CDKAL1: variants seen among roughly 807,000 people sequenced by gnomAD.
CDKAL1 encodes the protein threonylcarbamoyladenosine tRNA methylthiotransferase.
A neutral mutation model predicts 68.2 loss-of-function variants in CDKAL1; 32 were observed. The observed-to-expected ratio is 0.47, with a 90% CI of 0.35 to 0.63. The LOEUF (loss-of-function observed/expected upper bound fraction) is 0.63, where lower values mean the gene tolerates loss of function less well. CDKAL1 is among the 30% of genes least tolerant of loss of function. The pLI is 0.00. For missense variants in CDKAL1, 606 were observed against 696.7 expected, an observed-to-expected ratio of 0.87 and a Z score of 1.47; for synonymous variants, 234 against 244.3, an observed-to-expected ratio of 0.96 and a Z score of 0.39.
At chr6:21,121,467 C>T (rs1244878302) in intron 13 of CDKAL1, among the ~76,000 whole-genome samples, 1 of 152,152 alleles carries the variant, frequency 6.6e-6, no homozygotes, top group African/African-American at 2.4e-5. Context: ...ATGCCCATTA[C>T]AATGGTGTCT....
At chr6:21,171,493 G>A (rs946998984) in intron 13 of CDKAL1, among the ~76,000 whole-genome samples, 1 of 152,136 alleles carries the variant, frequency 6.6e-6, no homozygotes. Context: ...ATTACAGGCT[G>A]AGCCACCCTG....
intron 13 of CDKAL1, among the ~76,000 whole-genome samples, chr6:21,192,249 C>G (rs1013777062): frequency 6.6e-6 from 1 of 150,578 alleles, no homozygotes; most frequent in African/African-American, 2.4e-5. Context: ...TCTCGATCTC[C>G]TGACCTCATG....
In CDKAL1 at chr6:20,686,939, C is replaced by G. The variant is rs1015159446; in HGVS notation, c.371+37562C>G. Among the ~76,000 whole-genome samples, 4 of 152,078 alleles carry G rather than the reference C, an allele frequency of 2.6e-5. No homozygotes were observed. The East Asian group carries it at 5.8e-4, about 22-fold the overall frequency. Reference sequence around the variant, plus strand: ...TGTCTGTCAATAGATGCAGAAAAATCTATTGCTATGATTATGTGATTTTTC... The same window carrying G: ...TGTCTGTCAATAGATGCAGAAAAATGTATTGCTATGATTATGTGATTTTTC... On this transcript the variant is annotated intron_variant, in intron 5 of 15. Transcript: ENST00000274695.
chr6:21,063,591 GAAA>G (rs1771260621), intron 11 of CDKAL1, among the ~76,000 whole-genome samples: 1 of 152,052 alleles, frequency 6.6e-6, no homozygotes, highest in Non-Finnish European at 1.5e-5. Context: ...GTGAACAGAA[GAAA>G]AATTACAAAA....
intron 5 of CDKAL1, among the ~76,000 whole-genome samples, chr6:20,726,223 A>G (rs1772649003): frequency 6.6e-6 from 1 of 152,106 alleles, no homozygotes; most frequent in Admixed American, 6.5e-5. Context: ...TATTGATTCC[A>G]GGTCTTAGAT....
At chr6:20,556,076 G>C (rs555252263) in intron 4 of CDKAL1, among the ~76,000 whole-genome samples, 1 of 152,118 alleles carries the variant, frequency 6.6e-6, no homozygotes, top group South Asian at 2.1e-4. Flanking sequence ...AAAGTAAGCT[G>C]TTTCTTGGCC....
chr6:21,092,015 T>C (rs1212370230), intron 12 of CDKAL1, among the ~76,000 whole-genome samples: 1 of 150,192 alleles, frequency 6.7e-6, no homozygotes, highest in Non-Finnish European at 1.5e-5. Flanking sequence ...GCCTCCCGAG[T>C]AGCTGGGACT....
At chr6:20,739,439 A>G (rs1581482021) in intron 5 of CDKAL1, 80 bp from the exon 6 acceptor site, 2 of 764,990 alleles carry the variant, frequency 2.6e-6, no homozygotes, top group East Asian at 5.1e-5. Context: ...TATTTGGAGA[A>G]CTAATATGCA....
chr6:21,161,974 C>T (rs1776947961), intron 13 of CDKAL1, among the ~76,000 whole-genome samples: 1 of 152,132 alleles, frequency 6.6e-6, no homozygotes. Context: ...AATGCAAGTG[C>T]CTATTGTGCC....
intron 4 of CDKAL1, among the ~76,000 whole-genome samples, chr6:20,549,428 C>G (rs960040849): frequency 1.4e-4 from 21 of 152,006 alleles, no homozygotes; most frequent in Non-Finnish European, 2.6e-4. Context: ...AATACAGTCA[C>G]TGTTTTTCTC....
chr6:20,575,459 A>G (rs1031858152), intron 4 of CDKAL1, among the ~76,000 whole-genome samples: 5 of 151,272 alleles, frequency 3.3e-5, no homozygotes, highest in Admixed American at 6.6e-5. Context: ...AAAAAAAAAA[A>G]AAAGAAAGCA....
intron 5 of CDKAL1, among the ~76,000 whole-genome samples, chr6:20,671,710 C>G (rs1769823743): frequency 6.6e-6 from 1 of 151,804 alleles, no homozygotes; most frequent in African/African-American, 2.4e-5. Context: ...TGTTCTAGTG[C>G]TCTTTTATTT....
At chr6:21,182,679 C>T (rs1334226577) in intron 13 of CDKAL1, among the ~76,000 whole-genome samples, 1 of 152,126 alleles carries the variant, frequency 6.6e-6, no homozygotes, top group East Asian at 1.9e-4. Flanking sequence ...TGGCAGCTCT[C>T]TTAAAAATAA....
intron 12 of CDKAL1, among the ~76,000 whole-genome samples, chr6:21,069,375 A>G (rs375830258): frequency 1.3e-5 from 2 of 152,288 alleles, no homozygotes; most frequent in African/African-American, 4.8e-5. Flanking sequence ...GTTGAACTTT[A>G]TCATATGCTT....
chr6:20,583,962 C>T (rs2127692441), intron 4 of CDKAL1, among the ~76,000 whole-genome samples: 1 of 151,408 alleles, frequency 6.6e-6, no homozygotes, highest in East Asian at 1.9e-4. Context: ...GTATAGGAAA[C>T]AGACCAGATG....
At chr6:21,197,448 G>C (rs899171786) in intron 13 of CDKAL1, among the ~76,000 whole-genome samples, 1 of 152,166 alleles carries the variant, frequency 6.6e-6, no homozygotes, top group Admixed American at 6.5e-5. Context: ...CAGAGAAAAT[G>C]TATATAATAA....
intron 5 of CDKAL1, among the ~76,000 whole-genome samples, chr6:20,685,152 T>G (rs944014721): frequency 6.6e-6 from 1 of 152,252 alleles, no homozygotes; most frequent in African/African-American, 2.4e-5. Flanking sequence ...CATTGAGGTC[T>G]GAGCCATTTC....
intron 4 of CDKAL1, among the ~76,000 whole-genome samples, chr6:20,586,344 G>A (rs6932944): frequency 0.069 from 10,474 of 152,176 alleles, 520 homozygotes; most frequent in African/African-American, 0.14. Context: ...CTGCAAAAAT[G>A]GAAGTGCTCG....
At chr6:20,545,361 C>T (rs1289537505) in intron 2 of CDKAL1, among the ~76,000 whole-genome samples, 3 of 151,948 alleles carry the variant, frequency 2.0e-5, no homozygotes, top group African/African-American at 7.3e-5. Context: ...TTAGAAAAGT[C>T]GTATAGGATA....
Sources: gnomAD v4.1 joint callset for allele counts (sites outside exome capture counted in the v4.1 genomes callset) on GRCh38, gnomAD v4.1.1 for gene constraint, MANE v1.5 for transcripts, NCBI Gene and HGNC (gene_info 2026-07-23, HGNC 2026-07-21) for gene names.